SETBP1: variants seen among roughly 807,000 people sequenced by gnomAD.
SETBP1 encodes the protein SET binding protein 1.
SETBP1 carries 9 observed loss-of-function variants against 101.0 expected under a neutral mutation model. That is an observed-to-expected ratio of 0.09 (90% confidence interval 0.05 to 0.16). The LOEUF is 0.16. SETBP1 is among the 10% of genes least tolerant of loss of function. The probability of loss-of-function intolerance (pLI) is 1.00; values close to 1 mark genes in which losing one functional copy is unlikely to be tolerated. For synonymous variants in SETBP1, 818 were observed against 788.5 expected (o/e 1.04, Z -0.63); for missense variants, 1,858 against 2,033.8 (o/e 0.91, Z 1.66).
chr18:44,982,915 G>A (rs2145243768), intron 4 of SETBP1, among the ~76,000 whole-genome samples: 1 of 152,222 alleles, frequency 6.6e-6, no homozygotes. Flanking sequence ...TATAGATGGT[G>A]ACACCAAGGC....
At chr18:45,047,203 G>A (rs370351514) in intron 5 of SETBP1, among the ~76,000 whole-genome samples, 2 of 152,098 alleles carry the variant, frequency 1.3e-5, no homozygotes, top group Non-Finnish European at 2.9e-5. Context: ...GGCATCAGAC[G>A]CCCAGGGAGT....
In SETBP1 at chr18:44,845,361, G is replaced by A. The variant is rs572879939; in HGVS notation, c.487-23869G>A. 3.3e-5 allele frequency among the ~76,000 whole-genome samples: 5 copies of A among 152,282 alleles called. 1 individual carries two copies. Among genetic ancestry groups the A allele is most frequent in the Admixed American group, 3.3e-4 (5 of 15,308 alleles). On this transcript the variant is annotated intron_variant, in intron 2 of 5. Transcript: ENST00000649279. ...GCCCCTTTGGAACTGCCTGACTGCA[G>A]TAATTTACACACAGAGAACTTTCCA...
At chr18:44,853,166 A>C (rs1381523481) in intron 2 of SETBP1, among the ~76,000 whole-genome samples, 1 of 152,206 alleles carries the variant, frequency 6.6e-6, no homozygotes, top group Non-Finnish European at 1.5e-5. Context: ...AAGCCCAGGA[A>C]GGCAAGTTGC....
At chr18:44,683,383 GTGTT>G (rs2068790202) in intron 1 of SETBP1, among the ~76,000 whole-genome samples, 1 of 152,352 alleles carries the variant, frequency 6.6e-6, no homozygotes, top group Non-Finnish European at 1.5e-5. Flanking sequence ...GTGCTTGGGA[GTGTT>G]TTAGGATTTA....
chr18:45,043,363 T>TCTCTCTCACA (rs143126603), intron 5 of SETBP1, among the ~76,000 whole-genome samples: 18,939 of 149,460 alleles, frequency 0.13, 1,817 homozygotes, highest in African/African-American at 0.27. Context: ...TCTCTCTCTC[T>TCTCTCTCACA]CTCACACACT....
chr18:45,062,010 G>A (rs1039645458), intron 5 of SETBP1, among the ~76,000 whole-genome samples: 1 of 152,218 alleles, frequency 6.6e-6, no homozygotes, highest in African/African-American at 2.4e-5. Flanking sequence ...CTGTGTGAGT[G>A]TATGTGCCCA....
chr18:44,869,678 A>C, intron 3 of SETBP1: 1 of 309,340 alleles, frequency 3.2e-6, no homozygotes. Context: ...TTTGCGGCAA[A>C]TGCCTCCTAG....
At chr18:44,798,849 T>C (rs751177372) in intron 2 of SETBP1, among the ~76,000 whole-genome samples, 28 of 152,190 alleles carry the variant, frequency 1.8e-4, no homozygotes, top group African/African-American at 5.8e-4. Context: ...GCCTGAGACC[T>C]GAACAAACAT....
intron 2 of SETBP1, among the ~76,000 whole-genome samples, chr18:44,725,727 C>T (rs1218189908): frequency 1.3e-5 from 2 of 152,074 alleles, no homozygotes; most frequent in African/African-American, 4.8e-5. Context: ...CCCCCTCGGC[C>T]CCCTGACTTC....
chr18:44,927,553 T>A (rs140113220), intron 3 of SETBP1, among the ~76,000 whole-genome samples: 1 of 152,212 alleles, frequency 6.6e-6, no homozygotes, highest in African/African-American at 2.4e-5. Flanking sequence ...TTAAGGTATC[T>A]ATACTCCAGG....
intron 4 of SETBP1, among the ~76,000 whole-genome samples, chr18:44,982,334 G>A (rs958613732): frequency 6.6e-6 from 1 of 152,234 alleles, no homozygotes; most frequent in Non-Finnish European, 1.5e-5. Context: ...ACACACCTTG[G>A]CTTCCTGGAG....
At chr18:44,966,718 A>G (rs1288728567) in intron 4 of SETBP1, among the ~76,000 whole-genome samples, 1 of 152,238 alleles carries the variant, frequency 6.6e-6, no homozygotes, top group East Asian at 1.9e-4. Context: ...ACTTAAGAAT[A>G]AATTGAACAA....
chr18:44,830,939 G>A (rs140341788), intron 2 of SETBP1, among the ~76,000 whole-genome samples: 3 of 152,296 alleles, frequency 2.0e-5, no homozygotes, highest in African/African-American at 7.2e-5. Flanking sequence ...AGAGGGAGTG[G>A]ATCATTCCAC....
intron 2 of SETBP1, among the ~76,000 whole-genome samples, chr18:44,857,745 A>C (rs1448553832): frequency 1.3e-5 from 2 of 152,174 alleles, no homozygotes; most frequent in Non-Finnish European, 2.9e-5. Context: ...TTGGCCAAAA[A>C]TGGGTAGACT....
At chr18:44,772,394 C>A (rs2070893299) in intron 2 of SETBP1, among the ~76,000 whole-genome samples, 1 of 152,296 alleles carries the variant, frequency 6.6e-6, no homozygotes. Flanking sequence ...CAGGGCTAGG[C>A]CTCCTGCACT....
intron 4 of SETBP1, among the ~76,000 whole-genome samples, chr18:45,029,644 G>A (rs901927999): frequency 2.6e-5 from 4 of 152,162 alleles, no homozygotes; most frequent in Admixed American, 6.5e-5. Context: ...CCACCCATGA[G>A]CATGGAATGT....
chr18:45,042,393 G>A (rs978298614), intron 5 of SETBP1, among the ~76,000 whole-genome samples: 66 of 152,004 alleles, frequency 4.3e-4, no homozygotes, highest in African/African-American at 1.5e-3. Flanking sequence ...CAGGTGATCC[G>A]CCCACTTCGG....
chr18:44,837,856 A>T (rs570975393), intron 2 of SETBP1, among the ~76,000 whole-genome samples: 1 of 152,312 alleles, frequency 6.6e-6, no homozygotes, highest in Non-Finnish European at 1.5e-5. Context: ...GTCGTTTCAG[A>T]TTATCTGCCT....
chr18:44,722,198 G>T (rs1213121806), intron 2 of SETBP1, among the ~76,000 whole-genome samples: 1 of 152,122 alleles, frequency 6.6e-6, no homozygotes, highest in African/African-American at 2.4e-5. Flanking sequence ...ATAGATGTTT[G>T]GGGGGCCTGG....
Sources: gnomAD v4.1 joint callset for allele counts (sites outside exome capture counted in the v4.1 genomes callset) on GRCh38, gnomAD v4.1.1 for gene constraint, MANE v1.5 for transcripts, NCBI Gene and HGNC (gene_info 2026-07-23, HGNC 2026-07-21) for gene names.